Variants in AFF2 observed in about 807,000 individuals in gnomAD.
AFF2 encodes the protein ALF transcription elongation factor 2.
A neutral mutation model predicts 76.9 loss-of-function variants in AFF2; 14 were observed. That is an observed-to-expected ratio of 0.18 (90% CI 0.12 to 0.28). AFF2 has a LOEUF of 0.28. AFF2 is among the 10% of genes least tolerant of loss of function. The pLI is 1.00. For synonymous variants in AFF2, 398 were observed against 366.7 expected, an observed-to-expected ratio of 1.09 and a Z score of -0.98; for missense variants, 868 against 1,001.1, an observed-to-expected ratio of 0.87 and a Z score of 1.79.
chrX:148,681,519 TCA>T (rs1342806900), intron 3 of AFF2, among the ~76,000 whole-genome samples: 1 of 106,588 alleles, frequency 9.4e-6, no homozygotes, highest in Non-Finnish European at 1.9e-5. Flanking sequence ...ATGTTGATGA[TCA>T]CAGTGTGCTA....
intron 3 of AFF2, among the ~76,000 whole-genome samples, chrX:148,674,641 C>T (rs1276918060): frequency 2.7e-5 from 3 of 111,843 alleles, no homozygotes; most frequent in Non-Finnish European, 1.9e-5. Context: ...GGTCATTTTA[C>T]CTTTTGCTTC....
intron 1 of AFF2, among the ~76,000 whole-genome samples, chrX:148,583,684 G>T (rs1220134729): frequency 9.0e-6 from 1 of 111,529 alleles, no homozygotes; most frequent in Non-Finnish European, 1.9e-5. Context: ...AAAGCTACAA[G>T]TTTGTACTCA....
At chrX:148,802,105 A>G (rs1351817351) in intron 3 of AFF2, among the ~76,000 whole-genome samples, 1 of 112,506 alleles carries the variant, frequency 8.9e-6, no homozygotes, top group Non-Finnish European at 1.9e-5. Context: ...ATGACATGTC[A>G]TAGATAATAT....
At chrX:148,564,566 C>T (rs1218556576) in intron 1 of AFF2, among the ~76,000 whole-genome samples, 1 of 110,185 alleles carries the variant, frequency 9.1e-6, no homozygotes, top group Non-Finnish European at 1.9e-5. Context: ...CCAGCCTCTG[C>T]TCTGCCATTT....
At chrX:148,950,682 T>C (rs1226670543) in intron 9 of AFF2, among the ~76,000 whole-genome samples, 1 of 112,380 alleles carries the variant, frequency 8.9e-6, no homozygotes, top group Non-Finnish European at 1.9e-5. Context: ...GAAACAGATT[T>C]AGCTATAAAA....
chrX:148,923,637 G>A (rs1419052577), intron 9 of AFF2, among the ~76,000 whole-genome samples: 1 of 111,545 alleles, frequency 9.0e-6, no homozygotes, highest in Non-Finnish European at 1.9e-5. Context: ...ATGTATATTA[G>A]CAGAGTTGAA....
chrX:148,817,358 A>C (rs73605995), intron 4 of AFF2, among the ~76,000 whole-genome samples: 2,415 of 111,283 alleles, frequency 0.022, 63 homozygotes, highest in African/African-American at 0.075. Context: ...GCTCTGTACA[A>C]ATAAATATAA....
At chrX:148,988,028 T>A (rs888962195) in intron 20 of AFF2, among the ~76,000 whole-genome samples, 2 of 111,985 alleles carry the variant, frequency 1.8e-5, no homozygotes, top group African/African-American at 3.2e-5. Context: ...GTTCAGCTAG[T>A]ACTTTTCACA....
chrX:148,726,831 G>A, intron 3 of AFF2, among the ~76,000 whole-genome samples: 1 of 111,228 alleles, frequency 9.0e-6, no homozygotes, highest in Non-Finnish European at 1.9e-5. Flanking sequence ...AGCCTGAAGT[G>A]GTATCCAGAT....
intron 1 of AFF2, among the ~76,000 whole-genome samples, chrX:148,586,218 C>G (rs1334421340): frequency 9.0e-6 from 1 of 111,309 alleles, no homozygotes; most frequent in Non-Finnish European, 1.9e-5. Context: ...ATTAACTAGG[C>G]TTGAATTATA....
intron 1 of AFF2, among the ~76,000 whole-genome samples, chrX:148,613,393 T>C (rs2053752920): frequency 9.0e-6 from 1 of 111,452 alleles, no homozygotes; most frequent in Non-Finnish European, 1.9e-5. Flanking sequence ...GAATTGCAAG[T>C]GAAAATGAAT....
At chrX:148,588,730 C>T (rs954878885) in intron 1 of AFF2, among the ~76,000 whole-genome samples, 9 of 111,833 alleles carry the variant, frequency 8.0e-5, no homozygotes, top group Non-Finnish European at 1.7e-4. Context: ...CCCCATGCCA[C>T]TGTCTTCTTC....
At chrX:148,912,759 G>A (rs782639961) in intron 9 of AFF2, among the ~76,000 whole-genome samples, 7 of 111,917 alleles carry the variant, frequency 6.3e-5, no homozygotes, top group African/African-American at 2.3e-4. Flanking sequence ...GATTGTAAAT[G>A]CCCTGAGACA....
intron 9 of AFF2, among the ~76,000 whole-genome samples, chrX:148,912,257 G>T (rs1603339159): frequency 8.9e-6 from 1 of 112,135 alleles, no homozygotes; most frequent in East Asian, 2.8e-4. Context: ...TGCGCATATT[G>T]ACCCATCCTC....
At chrX:148,884,009 A>G (rs191685108) in intron 7 of AFF2, among the ~76,000 whole-genome samples, 31 of 111,202 alleles carry the variant, frequency 2.8e-4, no homozygotes, top group Admixed American at 2.3e-3. Flanking sequence ...ACACACACGG[A>G]AAGTAAAGCC....
Position 148,973,578 on chromosome X carries a change from C to T in AFF2, c.3375C>T (p.Thr1125=), listed in dbSNP as rs1557289809. Residue 1125 remains threonine (T), a synonymous_variant, in exon 16 of 21, where the codon ACC becomes ACT. Coordinates refer to ENST00000370460, the MANE Select transcript of AFF2 (RefSeq NM_002025.4). ...RDPLEAKSPY[T]MYSETVELLR... is the part of the protein sequence containing the mutation. ...CTCTGGAAGCAAAGTCCCCATACAC[C>T]ATGTACTCTGAGACTGTGGAGCTCC... 8.3e-7 allele frequency: 1 copy of T among 1,211,078 alleles called. No homozygotes were observed. The highest frequency in any genetic ancestry group is 1.1e-6 in the Non-Finnish European group (1 of 894,913).
intron 20 of AFF2, among the ~76,000 whole-genome samples, chrX:148,989,142 A>G (rs945126661): frequency 3.6e-5 from 4 of 112,420 alleles, no homozygotes; most frequent in Admixed American, 1.9e-4. Flanking sequence ...CTATACAACC[A>G]GACTCATCCA....
Position 148,956,423 on chromosome X carries a change from G to A in AFF2, c.2378G>A (p.Arg793Gln), listed in dbSNP as rs200490489. ...VMQTEILSPL[R>Q]DHENLKNLWV... Reference sequence around the variant, plus strand: ...CAAACTGAAATCCTGTCCCCTCTGCGAGATCATGAGAACCTGAAAAACCTC... The same window carrying A: ...CAAACTGAAATCCTGTCCCCTCTGCAAGATCATGAGAACCTGAAAAACCTC... Residue 793 changes from arginine (R) to glutamine (Q), a missense_variant, in exon 11 of 21, where the codon CGA becomes CAA. Physicochemically the swap from Arg to Gln is conservative, Grantham distance 43. This residue lies in a region of AFF2 where 532 missense variants were observed against 564.2 expected (regional missense o/e 0.94). Transcript: ENST00000370460. The A allele has an allele frequency of 1.5e-5, 18 of 1,209,542 alleles. No individual in the cohort carries two copies. Among genetic ancestry groups the A allele is most frequent in the East Asian group, 5.9e-5 (2 of 33,758 alleles).
At chrX:148,733,059 CA>C (rs1759315159) in intron 3 of AFF2, among the ~76,000 whole-genome samples, 1 of 111,241 alleles carries the variant, frequency 9.0e-6, no homozygotes, top group African/African-American at 3.3e-5. Flanking sequence ...TAACTGTGTT[CA>C]ACCTAAAATA....
Sources: allele counts gnomAD v4.1 joint callset (sites outside exome capture counted in the v4.1 genomes callset), GRCh38; gene constraint gnomAD v4.1.1; regional missense constraint gnomAD v4.1.1; transcripts MANE v1.5; gene names NCBI Gene and HGNC (gene_info 2026-07-23, HGNC 2026-07-21).